ELMO1: variants seen among roughly 807,000 people sequenced by gnomAD.
ELMO1 encodes engulfment and cell motility protein 1.
A neutral mutation model predicts 98.9 loss-of-function variants in ELMO1; 26 were observed. The observed-to-expected ratio is 0.26, with a 90% CI of 0.19 to 0.36. The LOEUF is 0.36. ELMO1 is among the 10% of genes least tolerant of loss of function. The pLI is 1.00. For synonymous variants in ELMO1, 346 were observed against 346.0 expected (o/e 1.00, Z 0.00); for missense variants, 627 against 935.2 (o/e 0.67, Z 4.30).
At chr7:37,229,874 T>C (rs987770434) in intron 8 of ELMO1, among the ~76,000 whole-genome samples, 2 of 152,150 alleles carry the variant, frequency 1.3e-5, no homozygotes, top group Non-Finnish European at 2.9e-5. Context: ...ACCAAGACTG[T>C]CAGTCTTTAC....
chr7:37,277,666 A>G (rs1796916565), intron 4 of ELMO1, among the ~76,000 whole-genome samples: 1 of 152,164 alleles, frequency 6.6e-6, no homozygotes, highest in African/African-American at 2.4e-5. Context: ...CCTAAGGAGA[A>G]ATGCAAGGCT....
At chr7:37,421,109 A>G (rs1159613433) in intron 1 of ELMO1, among the ~76,000 whole-genome samples, 3 of 152,220 alleles carry the variant, frequency 2.0e-5, no homozygotes, top group Non-Finnish European at 4.4e-5. Context: ...GAGGAGATGG[A>G]GCAAGTGGCA....
chr7:37,035,329 G>A (rs974441983), intron 15 of ELMO1, among the ~76,000 whole-genome samples: 4 of 152,048 alleles, frequency 2.6e-5, no homozygotes, highest in Non-Finnish European at 5.9e-5. Context: ...CCTTCCTTTT[G>A]CTTTAAGTTG....
At chr7:36,877,263 A>AT (rs1804058516) in intron 19 of ELMO1, among the ~76,000 whole-genome samples, 1 of 152,122 alleles carries the variant, frequency 6.6e-6, no homozygotes, top group Non-Finnish European at 1.5e-5. Flanking sequence ...TCTACTTGGG[A>AT]TATCCTCTGA....
At chr7:37,177,615 C>A (rs1458547517) in intron 13 of ELMO1, among the ~76,000 whole-genome samples, 2 of 151,974 alleles carry the variant, frequency 1.3e-5, no homozygotes, top group Non-Finnish European at 2.9e-5. Context: ...TCCTGTCACT[C>A]TGTGTTCAAG....
chr7:37,405,801 C>A (rs1303969117), intron 1 of ELMO1, among the ~76,000 whole-genome samples: 1 of 152,202 alleles, frequency 6.6e-6, no homozygotes, highest in African/African-American at 2.4e-5. Flanking sequence ...AACTTGCTAG[C>A]CTCAGAGGAC....
At chr7:37,229,670 T>G (rs1462421362) in intron 8 of ELMO1, among the ~76,000 whole-genome samples, 1 of 152,206 alleles carries the variant, frequency 6.6e-6, no homozygotes, top group African/African-American at 2.4e-5. Context: ...GTTGTCAAAG[T>G]GCTGAATTTG....
intron 1 of ELMO1, among the ~76,000 whole-genome samples, chr7:37,384,058 A>G (rs1207695532): frequency 3.3e-5 from 5 of 152,134 alleles, no homozygotes; most frequent in South Asian, 2.1e-4. Flanking sequence ...CTCGTGATCC[A>G]CCCACCTCGG....
Position 37,013,448 on chromosome 7 carries a change from G to C in ELMO1, c.1301-13C>G, listed in dbSNP as rs1234444774. The stretch of plus-strand genomic sequence containing the variant: ...CAGGTCTCACTAGCTGGAGGAAAGA[G>C]ATGGAAAATAAGAGAAAAAGTTTTA... On this transcript the variant is annotated splice_polypyrimidine_tract_variant and intron_variant, in intron 15 of 21. Coordinates refer to ENST00000310758, the MANE Select transcript of ELMO1 (RefSeq NM_014800.11). The C allele has an allele frequency of 1.2e-6, 2 of 1,613,318 alleles. No individual in the cohort carries two copies. The highest frequency in any genetic ancestry group is 2.2e-5 in the East Asian group (1 of 44,804).
chr7:37,447,937 G>A (rs1333201803), intron 1 of ELMO1, among the ~76,000 whole-genome samples: 1 of 151,378 alleles, frequency 6.6e-6, no homozygotes, highest in Non-Finnish European at 1.5e-5. Flanking sequence ...AGGCGCGCCC[G>A]GTGCGTCCCC....
At position 37,151,694 on chromosome 7, in the gene ELMO1, A is replaced by G. The variant is rs143867389; in HGVS notation, c.1087-18460T>C. ...CATATTGGAAATAATTCCAGCGGGA[A>G]TCAGCCAGAGCTGAGGATAAAAAGA... On this transcript the variant is annotated intron_variant, in intron 13 of 21. Transcript: ENST00000310758. 3.1e-3 allele frequency among the ~76,000 whole-genome samples: 473 copies of G among 152,286 alleles called. 1 individual carries two copies. Among genetic ancestry groups the G allele is most frequent in the Non-Finnish European group, 5.7e-3 (385 of 68,022 alleles).
chr7:37,304,402 T>C (rs1295645117), intron 4 of ELMO1, among the ~76,000 whole-genome samples: 1 of 152,126 alleles, frequency 6.6e-6, no homozygotes, highest in African/African-American at 2.4e-5. Context: ...TTTTCACAAG[T>C]TGTGCTTGAT....
chr7:36,957,253 T>A (rs1262920884), intron 16 of ELMO1, among the ~76,000 whole-genome samples: 4 of 136,894 alleles, frequency 2.9e-5, no homozygotes, highest in Non-Finnish European at 5.9e-5. Flanking sequence ...CCTGGAAAGC[T>A]TGAAGTTGCC....
chr7:37,219,778 T>C lies in ELMO1; in HGVS notation c.780+2837A>G, dbSNP rs139968992. Among the ~76,000 whole-genome samples the C allele has an allele frequency of 9.3e-4, 142 of 152,302 alleles. 3 individuals are homozygous for C. In the East Asian group the frequency reaches 0.023, roughly 24 times the overall value. The stretch of plus-strand genomic sequence containing the variant: ...CTTTGAGGCTCAATTTCCTTACTTA[T>C]AAAACAGAAATAATGTGGCTTTCTC... On this transcript the variant is annotated intron_variant, in intron 10 of 21. Coordinates refer to ENST00000310758, the MANE Select transcript of ELMO1 (RefSeq NM_014800.11).
intron 15 of ELMO1, among the ~76,000 whole-genome samples, chr7:37,095,003 G>A (rs1784300045): frequency 1.3e-5 from 2 of 152,164 alleles, no homozygotes; most frequent in Non-Finnish European, 2.9e-5. Context: ...CAGATAGCTG[G>A]GCACGGCATG....
At chr7:37,082,764 G>C (rs1478479452) in intron 15 of ELMO1, among the ~76,000 whole-genome samples, 1 of 151,988 alleles carries the variant, frequency 6.6e-6, no homozygotes, top group Non-Finnish European at 1.5e-5. Context: ...AGCCCATTTT[G>C]CTTAATTCTC....
At chr7:37,361,488 A>G (rs1039798463) in intron 1 of ELMO1, among the ~76,000 whole-genome samples, 2 of 152,234 alleles carry the variant, frequency 1.3e-5, no homozygotes, top group African/African-American at 4.8e-5. Context: ...CCAACAGCAG[A>G]GCTGAGTAGG....
intron 18 of ELMO1, among the ~76,000 whole-genome samples, chr7:36,884,118 C>T (rs1003577621): frequency 6.6e-6 from 1 of 151,998 alleles, no homozygotes; most frequent in African/African-American, 2.4e-5. Context: ...GTCAGGAGTT[C>T]GAGACCAGCC....
intron 16 of ELMO1, among the ~76,000 whole-genome samples, chr7:36,937,467 A>C (rs1476540984): frequency 6.6e-6 from 1 of 152,194 alleles, no homozygotes; most frequent in African/African-American, 2.4e-5. Flanking sequence ...CATGCTCCAA[A>C]ACTAGGAGAC....
Sources: gnomAD v4.1 joint callset for allele counts (sites outside exome capture counted in the v4.1 genomes callset) on GRCh38, gnomAD v4.1.1 for gene constraint, MANE v1.5 for transcripts, NCBI Gene and HGNC (gene_info 2026-07-23, HGNC 2026-07-21) for gene names.